CPVL: variants seen among roughly 807,000 people sequenced by gnomAD.
CPVL encodes the protein probable serine carboxypeptidase CPVL.
CPVL carries 51 observed loss-of-function variants against 63.7 expected under a neutral mutation model. That is an observed-to-expected ratio of 0.80 (90% CI 0.64 to 1.01). CPVL has a LOEUF of 1.01. Ranked by LOEUF, CPVL falls within the 50% of genes least tolerant of loss-of-function variation. The pLI is 0.00. For synonymous variants in CPVL, 195 were observed against 206.0 expected (o/e 0.95, Z 0.46); for missense variants, 530 against 573.1 (o/e 0.92, Z 0.77).
intron 2 of CPVL, among the ~76,000 whole-genome samples, chr7:29,113,933 C>T (rs994025297): frequency 6.6e-5 from 10 of 152,160 alleles, no homozygotes; most frequent in African/African-American, 2.4e-4. Flanking sequence ...GAACCAGTCA[C>T]TCAAGAAAAG....
chr7:29,164,705 TG>T (rs931040359), intron 5 of CPVL, among the ~76,000 whole-genome samples: 12 of 139,390 alleles, frequency 8.6e-5, no homozygotes, highest in Middle Eastern at 4.1e-3. Context: ...CACTTGAACC[TG>T]GGAGGCGGAG....
intron 9 of CPVL, among the ~76,000 whole-genome samples, chr7:29,069,100 T>C (rs1783443737): frequency 1.3e-5 from 2 of 152,116 alleles, no homozygotes; most frequent in South Asian, 2.1e-4. Context: ...CCAGTGGGAA[T>C]ATAAAGTCAA....
chr7:29,135,490 C>T (rs1437932962), intron 1 of CPVL, among the ~76,000 whole-genome samples: 2 of 151,816 alleles, frequency 1.3e-5, no homozygotes, highest in African/African-American at 4.8e-5. Context: ...CGCCACCATG[C>T]CTAACTAATT....
At chr7:29,133,247 T>C (rs1037360997) in intron 1 of CPVL, among the ~76,000 whole-genome samples, 1 of 152,128 alleles carries the variant, frequency 6.6e-6, no homozygotes, top group Non-Finnish European at 1.5e-5. Context: ...TTCTGACTTC[T>C]GTGCATATCA....
At chr7:29,020,909 C>T (rs1379205197) in intron 12 of CPVL, among the ~76,000 whole-genome samples, 1 of 152,158 alleles carries the variant, frequency 6.6e-6, no homozygotes, top group Non-Finnish European at 1.5e-5. Flanking sequence ...AGCGTGGTGG[C>T]TCATACCTGT....
At chr7:29,157,645 G>A (rs1036521486) in intron 5 of CPVL, among the ~76,000 whole-genome samples, 12 of 152,140 alleles carry the variant, frequency 7.9e-5, no homozygotes, top group Non-Finnish European at 1.2e-4. Flanking sequence ...ATTTCTCTCC[G>A]CTCCATAATG....
intron 4 of CPVL, among the ~76,000 whole-genome samples, chr7:29,183,732 G>C (rs531416863): frequency 6.6e-6 from 1 of 152,126 alleles, no homozygotes; most frequent in East Asian, 1.9e-4. Context: ...GAACCAATAA[G>C]AGAGATATAT....
chr7:29,180,746 T>A (rs899047161), intron 5 of CPVL, among the ~76,000 whole-genome samples: 1 of 152,174 alleles, frequency 6.6e-6, no homozygotes, highest in African/African-American at 2.4e-5. Context: ...GTCCAGTGAT[T>A]AAGAGCTCAG....
intron 7 of CPVL, chr7:29,081,297 T>C (rs1784689111): frequency 6.6e-6 from 1 of 152,206 alleles, no homozygotes. Context: ...GTTTTTTTCA[T>C]GCCTTGAGGA....
intron 11 of CPVL, among the ~76,000 whole-genome samples, chr7:29,060,315 T>G (rs1216077677): frequency 6.6e-6 from 1 of 152,208 alleles, no homozygotes; most frequent in Admixed American, 6.5e-5. Context: ...GCAGAGAGTT[T>G]AAGTTTCCTC....
chr7:29,184,320 T>G (rs1048644286), intron 4 of CPVL: 6 of 151,646 alleles, frequency 4.0e-5, no homozygotes, highest in African/African-American at 1.2e-4. Flanking sequence ...ATATCTCATA[T>G]CTCATACATC....
intron 1 of CPVL, among the ~76,000 whole-genome samples, chr7:29,142,010 G>A (rs13245225): frequency 0.12 from 18,263 of 152,010 alleles, 1,154 homozygotes; most frequent in Non-Finnish European, 0.14. Flanking sequence ...TGGAAAAAGC[G>A]TTGTATGCTC....
intron 2 of CPVL, 75 bp downstream of exon 2, chr7:29,120,818 C>CA (rs375039373): frequency 0.082 from 79,774 of 975,050 alleles, 40 homozygotes; most frequent in East Asian, 0.11. Context: ...GACTTCGTCT[C>CA]AAAAAAAAAA....
chr7:29,190,906 T>A (rs1055796808), intron 1 of CPVL, among the ~76,000 whole-genome samples: 3 of 151,412 alleles, frequency 2.0e-5, no homozygotes, highest in African/African-American at 7.3e-5. Context: ...ATACAGGGGC[T>A]GGGCAAACAA....
chr7:28,997,924 G>A lies in CPVL; in HGVS notation c.1321-2042C>T, dbSNP rs138915925. ...AGACTTAACTCTTTCACATGCAAATGTGAAACTTTTGTGTTTTGCTGCAGT... is the reference window on the plus strand; with the variant it reads ...AGACTTAACTCTTTCACATGCAAATATGAAACTTTTGTGTTTTGCTGCAGT... On this transcript the variant is annotated intron_variant, in intron 12 of 12. Transcript: ENST00000265394. Among the ~76,000 whole-genome samples, 742 of 152,300 alleles carry A rather than the reference G, an allele frequency of 4.9e-3. 8 individuals are homozygous for A. The highest frequency in any genetic ancestry group is 0.017 in the African/African-American group (713 of 41,558).
intron 1 of CPVL, among the ~76,000 whole-genome samples, chr7:29,129,211 G>A (rs1234577420): frequency 1.3e-5 from 2 of 152,100 alleles, no homozygotes; most frequent in Non-Finnish European, 2.9e-5. Flanking sequence ...TAGCAGGGGA[G>A]GTAATGAGAA....
intron 11 of CPVL, among the ~76,000 whole-genome samples, chr7:29,036,773 T>C (rs1050781833): frequency 2.0e-5 from 3 of 152,236 alleles, no homozygotes; most frequent in African/African-American, 4.8e-5. Context: ...AAGGAAGTTT[T>C]TGAGTAATAA....
intron 5 of CPVL, among the ~76,000 whole-genome samples, chr7:29,180,804 T>C (rs1385914022): frequency 6.6e-6 from 1 of 152,188 alleles, no homozygotes; most frequent in East Asian, 1.9e-4. Context: ...TCACATTCTG[T>C]GTGATGTTGG....
intron 11 of CPVL, among the ~76,000 whole-genome samples, chr7:29,060,773 G>A (rs932820047): frequency 6.6e-6 from 1 of 152,132 alleles, no homozygotes; most frequent in Admixed American, 6.5e-5. Flanking sequence ...AATGAACCCA[G>A]TACTGGAAAA....
Sources: allele counts gnomAD v4.1 joint callset (sites outside exome capture counted in the v4.1 genomes callset), GRCh38; gene constraint gnomAD v4.1.1; transcripts MANE v1.5; gene names NCBI Gene and HGNC (gene_info 2026-07-23, HGNC 2026-07-21).